Variants in CIROZ observed in about 807,000 individuals in gnomAD.
CIROZ encodes ciliated left-right organizer ZP-N domains-containing protein.
the CIROZ span, among the ~76,000 whole-genome samples, chr1:10,970,489 C>T: frequency 2.0e-5 from 3 of 152,006 alleles, no homozygotes; most frequent in Admixed American, 6.6e-5. Flanking sequence ...ATTAGCCAGG[C>T]GTGGTGGCGC....
chr1:10,958,734 G>A, the CIROZ span: 4 of 1,614,076 alleles, frequency 2.5e-6, no homozygotes, highest in South Asian at 4.4e-5. Context: ...TCCCTCCACA[G>A]GGGCAGGGGC....
chr1:10,954,962 C>T, the CIROZ span: 29 of 1,574,134 alleles, frequency 1.8e-5, 1 homozygote, highest in African/African-American at 1.1e-4. Context: ...AGAGAAGGGG[C>T]GAGACAGAGA....
the CIROZ span, chr1:10,964,123 A>T: frequency 6.2e-4 from 993 of 1,613,322 alleles, 12 homozygotes; most frequent in South Asian, 0.01. Flanking sequence ...CCCCGAACCC[A>T]TTACCTGGAT....
chr1:10,966,482 C>T, the CIROZ span: 1 of 1,531,440 alleles, frequency 6.5e-7, no homozygotes, highest in Non-Finnish European at 8.7e-7. Context: ...CCTCCAGGTG[C>T]CTGGAATGAG....
chr1:10,973,695 G>A, the CIROZ span, among the ~76,000 whole-genome samples: 1 of 152,140 alleles, frequency 6.6e-6, no homozygotes, highest in Non-Finnish European at 1.5e-5. Context: ...GTTGGGACGG[G>A]AACTCCTTGG....
At chr1:10,951,226 G>C in the CIROZ span, among the ~76,000 whole-genome samples, 4 of 152,112 alleles carry the variant, frequency 2.6e-5, no homozygotes, top group African/African-American at 9.7e-5. Context: ...TTGAGCCCAG[G>C]AGTTTAAGAA....
the CIROZ span, among the ~76,000 whole-genome samples, chr1:10,976,647 G>A: frequency 8.8e-5 from 13 of 148,286 alleles, no homozygotes; most frequent in South Asian, 4.3e-4. Flanking sequence ...ACCGCGTCCC[G>A]CCCACTCGTT....
chr1:10,948,850 C>A, the CIROZ span: 1 of 1,482,364 alleles, frequency 6.7e-7, no homozygotes, highest in Non-Finnish European at 9.0e-7. Context: ...CCCTTCTTCA[C>A]CAAGAGAGAA....
the CIROZ span, chr1:10,958,607 G>A: frequency 1.5e-5 from 20 of 1,333,108 alleles, no homozygotes; most frequent in East Asian, 1.1e-4. Context: ...GACACTCTCC[G>A]GAGGACAAGC....
At chr1:10,966,293 G>C in the CIROZ span, 2 of 1,447,914 alleles carry the variant, frequency 1.4e-6, no homozygotes, top group South Asian at 1.5e-5. Flanking sequence ...CTTGATATCT[G>C]AGCTCAGGCT....
At chr1:10,950,197 C>A in the CIROZ span, among the ~76,000 whole-genome samples, 1 of 151,942 alleles carries the variant, frequency 6.6e-6, no homozygotes, top group South Asian at 2.1e-4. Context: ...CCATGCCCAA[C>A]TAATTTTTTT....
the CIROZ span, chr1:10,954,184 A>T: frequency 6.3e-7 from 1 of 1,588,530 alleles, no homozygotes; most frequent in South Asian, 1.1e-5. Context: ...GGCTGGGCGC[A>T]GTGGCTCACG....
At chr1:10,947,624 G>C in the CIROZ span, 1 of 1,410,498 alleles carries the variant, frequency 7.1e-7, no homozygotes, top group South Asian at 1.7e-5. Context: ...TACCTCCCCA[G>C]GGTGCACCCA....
At chr1:10,963,140 G>A in the CIROZ span, among the ~76,000 whole-genome samples, 1 of 152,076 alleles carries the variant, frequency 6.6e-6, no homozygotes, top group Non-Finnish European at 1.5e-5. Context: ...TGTAATCCCA[G>A]CACTTTGGGA....
chr1:10,972,420 T>TACACACACACACACACACAC, the CIROZ span, among the ~76,000 whole-genome samples: 2 of 131,724 alleles, frequency 1.5e-5, no homozygotes, highest in African/African-American at 6.1e-5. Context: ...GTCTCTGAAA[T>TACACACACACACACACACAC]ACACACACAC....
chr1:10,958,639 G>A, the CIROZ span: 1 of 1,545,574 alleles, frequency 6.5e-7, no homozygotes, highest in East Asian at 2.2e-5. Context: ...CTGCCTCAGA[G>A]CATCCTGAGC....
chr1:10,977,061 A>C, the CIROZ span, among the ~76,000 whole-genome samples: 427 of 152,208 alleles, frequency 2.8e-3, 4 homozygotes, highest in Middle Eastern at 3.4e-3. Flanking sequence ...CAGGAGGCTG[A>C]GGTGGGAGGA....
the CIROZ span, chr1:10,966,426 G>T: frequency 6.9e-5 from 106 of 1,536,948 alleles, no homozygotes; most frequent in East Asian, 1.9e-3. Context: ...GCCAGATGCA[G>T]GAAGTAGCCA....
At chr1:10,982,007 C>G in the CIROZ span, 1 of 1,537,246 alleles carries the variant, frequency 6.5e-7, no homozygotes, top group Admixed American at 2.0e-5. Context: ...ATAAGGGACA[C>G]TTACCAGGCA....
Sources: allele counts gnomAD v4.1 joint callset (sites outside exome capture counted in the v4.1 genomes callset), GRCh38; gene constraint gnomAD v4.1.1; transcripts MANE v1.5; gene names NCBI Gene and HGNC (gene_info 2026-07-23, HGNC 2026-07-21).